ANO3: variants seen among roughly 807,000 people sequenced by gnomAD.
The protein encoded by ANO3 is anoctamin 3.
A neutral mutation model predicts 144.8 loss-of-function variants in ANO3; 99 were observed. The observed-to-expected ratio is 0.68, with a 90% confidence interval of 0.58 to 0.81. ANO3 has a LOEUF of 0.81. Ranked by LOEUF, ANO3 falls within the 30% of genes least tolerant of loss-of-function variation. ANO3 has a pLI of 0.00. For missense variants in ANO3, 905 were observed against 1,202.2 expected, an observed-to-expected ratio of 0.75 and a Z score of 3.66; for synonymous variants, 414 against 392.6, an observed-to-expected ratio of 1.05 and a Z score of -0.64.
chr11:26,437,270 G>C (rs949191336), intron 1 of ANO3, among the ~76,000 whole-genome samples: 4 of 152,198 alleles, frequency 2.6e-5, no homozygotes, highest in African/African-American at 9.6e-5. Context: ...AGTTCCTGGG[G>C]CTCCACGTGT....
intron 7 of ANO3, among the ~76,000 whole-genome samples, chr11:26,527,238 T>C (rs756717224): frequency 6.6e-6 from 1 of 152,136 alleles, no homozygotes; most frequent in Non-Finnish European, 1.5e-5. Context: ...TTTGGTCAAA[T>C]GTAAAAGTAA....
At chr11:26,513,160 T>C (rs529679001) in intron 5 of ANO3, among the ~76,000 whole-genome samples, 23 of 152,088 alleles carry the variant, frequency 1.5e-4, no homozygotes, top group Non-Finnish European at 2.4e-4. Flanking sequence ...ACACAAAGGG[T>C]AGTAGCAGAG....
chr11:26,289,908 T>C (rs1407993263), intron 1 of ANO3, among the ~76,000 whole-genome samples: 1 of 151,880 alleles, frequency 6.6e-6, no homozygotes, highest in Non-Finnish European at 1.5e-5. Flanking sequence ...TCTGCCAGGC[T>C]TTGGTGTCAG....
chr11:26,328,080 A>T (rs1427491080), upstream of ANO3, among the ~76,000 whole-genome samples: 1 of 152,112 alleles, frequency 6.6e-6, no homozygotes, highest in African/African-American at 2.4e-5. Flanking sequence ...GTTTTGTAAG[A>T]CTTCTTAAGG....
chr11:26,290,044 CT>C (rs988662276), intron 1 of ANO3, among the ~76,000 whole-genome samples: 95 of 152,078 alleles, frequency 6.2e-4, no homozygotes, highest in African/African-American at 2.2e-3. Context: ...TGGTCCTGGA[CT>C]TTTTTTAGTT....
At chr11:26,396,900 A>G (rs1449208107) in intron 1 of ANO3, among the ~76,000 whole-genome samples, 1 of 151,954 alleles carries the variant, frequency 6.6e-6, no homozygotes, top group Non-Finnish European at 1.5e-5. Context: ...TATGTAACAA[A>G]CCTGCACGTT....
rs527980662 is a variant in ANO3 at position 26,303,336 on chromosome 11, A to G, written c.155-6309A>G. Among the ~76,000 whole-genome samples, 282 of 152,334 alleles carry G rather than the reference A, an allele frequency of 1.9e-3. 2 individuals carry two copies. The highest frequency in any genetic ancestry group is 3.1e-3 in the Non-Finnish European group (214 of 68,038). ...GACTGATTTAAAAAAAAAATGTGGT[A>G]TATATACACCATACAATACTACACA... On this transcript the variant is annotated intron_variant, in intron 1 of 27. Coordinates refer to the ANO3 transcript ENST00000672621.
intron 11 of ANO3, among the ~76,000 whole-genome samples, chr11:26,544,273 T>TATATATACACACAC: frequency 6.8e-5 from 4 of 58,564 alleles, no homozygotes; most frequent in East Asian, 1.2e-3. Flanking sequence ...TATATATATA[T>TATATATACACACAC]ACACACATAC....
At chr11:26,387,364 CT>C (rs1211632409) in intron 1 of ANO3, among the ~76,000 whole-genome samples, 1 of 151,750 alleles carries the variant, frequency 6.6e-6, no homozygotes, top group East Asian at 1.9e-4. Flanking sequence ...ATTGTGTCAC[CT>C]TTTCTTTTCA....
chr11:26,308,613 A>G (rs1213938359), upstream of ANO3, among the ~76,000 whole-genome samples: 1 of 152,236 alleles, frequency 6.6e-6, no homozygotes, highest in Non-Finnish European at 1.5e-5. Context: ...GAATAAGCTT[A>G]GGCAACTTAT....
intron 1 of ANO3, among the ~76,000 whole-genome samples, chr11:26,274,721 T>A (rs1298941524): frequency 6.6e-6 from 1 of 152,144 alleles, no homozygotes; most frequent in African/African-American, 2.4e-5. Flanking sequence ...TTGCTTTAGG[T>A]TAGGACATCC....
At chr11:26,278,848 A>T (rs1853616024) in intron 1 of ANO3, among the ~76,000 whole-genome samples, 1 of 151,942 alleles carries the variant, frequency 6.6e-6, no homozygotes, top group African/African-American at 2.4e-5. Context: ...ACTAAACTAG[A>T]CTTAATGTCT....
intron 9 of ANO3, among the ~76,000 whole-genome samples, chr11:26,535,739 C>T (rs1159375644): frequency 4.6e-5 from 7 of 151,544 alleles, no homozygotes; most frequent in African/African-American, 9.7e-5. Context: ...CCCTCCACCA[C>T]GCCCGGCTAA....
intron 24 of ANO3, among the ~76,000 whole-genome samples, chr11:26,650,042 C>G (rs1853478685): frequency 6.6e-6 from 1 of 152,044 alleles, no homozygotes; most frequent in South Asian, 2.1e-4. Flanking sequence ...GCCTGCCTTT[C>G]GTGTAGATAG....
chr11:26,653,595 T>C (rs1177380645), intron 24 of ANO3, among the ~76,000 whole-genome samples: 1 of 152,056 alleles, frequency 6.6e-6, no homozygotes, highest in Non-Finnish European at 1.5e-5. Context: ...AAAGGGAGCT[T>C]CTTCTCTGAG....
intron 1 of ANO3, among the ~76,000 whole-genome samples, chr11:26,424,255 A>G (rs80192989): frequency 8.6e-6 from 1 of 116,446 alleles, no homozygotes; most frequent in African/African-American, 4.5e-5. Context: ...CTCCCCCCCC[A>G]CACACACACA....
chr11:26,659,727 G>A (rs1432652730), intron 26 of ANO3, among the ~76,000 whole-genome samples: 3 of 151,886 alleles, frequency 2.0e-5, no homozygotes, highest in African/African-American at 2.4e-5. Context: ...AAAGTAATAT[G>A]TTTTTTATCA....
At chr11:26,240,743 C>T (rs1852645909) in intron 1 of ANO3, among the ~76,000 whole-genome samples, 1 of 152,134 alleles carries the variant, frequency 6.6e-6, no homozygotes, top group South Asian at 2.1e-4. Context: ...GACTTGATAA[C>T]TCCCTTGACC....
intron 14 of ANO3, among the ~76,000 whole-genome samples, chr11:26,586,090 A>G (rs928733791): frequency 6.6e-6 from 1 of 152,160 alleles, no homozygotes; most frequent in Non-Finnish European, 1.5e-5. Flanking sequence ...CATCAGCACA[A>G]CTGCTTATTC....
Sources: allele counts gnomAD v4.1 joint callset (sites outside exome capture counted in the v4.1 genomes callset), GRCh38; gene constraint gnomAD v4.1.1; transcripts MANE v1.5; gene names NCBI Gene and HGNC (gene_info 2026-07-23, HGNC 2026-07-21).